The following ZFP14 variants were observed in gnomAD, a reference collection of about 807,000 sequenced individuals.
The protein encoded by ZFP14 is ZFP14 zinc finger protein.
Under a neutral mutation model 54.5 loss-of-function variants are expected in ZFP14, and 22 were observed. That is an observed-to-expected ratio of 0.40 (90% CI 0.29 to 0.58). The LOEUF (loss-of-function observed/expected upper bound fraction) is 0.58, where lower values mean the gene tolerates loss of function less well. Among genes scored for constraint, ZFP14 ranks in the 20% least tolerant of loss-of-function variants. The pLI, the probability that ZFP14 is intolerant of heterozygous loss-of-function variation, is 0.39. For synonymous variants in ZFP14, 159 were observed against 204.0 expected, an observed-to-expected ratio of 0.78 and a Z score of 1.88; for missense variants, 470 against 637.8, an observed-to-expected ratio of 0.74 and a Z score of 2.83.
intron 4 of ZFP14, among the ~76,000 whole-genome samples, chr19:36,351,753 AG>A (rs2031529649): frequency 7.1e-6 from 1 of 141,712 alleles, no homozygotes; most frequent in African/African-American, 2.6e-5. Flanking sequence ...TACCTACCCA[AG>A]AGGCTGAAGT....
chr19:36,370,041 A>G (rs1006109528), intron 1 of ZFP14, among the ~76,000 whole-genome samples: 47 of 152,158 alleles, frequency 3.1e-4, no homozygotes, highest in African/African-American at 1.4e-4. Context: ...AGATAGCAAA[A>G]TAGTTCTTTC....
chr19:36,362,338 T>C, intron 2 of ZFP14, 100 bp from the exon 3 acceptor site: 7 of 1,308,146 alleles, frequency 5.4e-6, no homozygotes, highest in Non-Finnish European at 7.2e-6. Context: ...AGGGGTCAGA[T>C]AGCATGCAAA....
At chr19:36,349,671 CAA>C (rs11308808) in intron 4 of ZFP14, among the ~76,000 whole-genome samples, 21,731 of 133,854 alleles carry the variant, frequency 0.16, 2,043 homozygotes, top group Admixed American at 0.21. Flanking sequence ...TGTCTCAAAA[CAA>C]AAAAAAAATA....
intron 4 of ZFP14, among the ~76,000 whole-genome samples, chr19:36,344,321 T>C (rs2031376044): frequency 6.6e-6 from 1 of 151,982 alleles, no homozygotes; most frequent in African/African-American, 2.4e-5. Context: ...TTCTTTTTCA[T>C]ATTTATAACA....
intron 4 of ZFP14, among the ~76,000 whole-genome samples, chr19:36,358,089 T>C (rs991652502): frequency 1.1e-4 from 14 of 130,390 alleles, no homozygotes; most frequent in African/African-American, 4.1e-4. Flanking sequence ...TCTATCTATC[T>C]ATCATCTATC....
intron 4 of ZFP14, among the ~76,000 whole-genome samples, chr19:36,354,009 A>G (rs2031572487): frequency 7.5e-6 from 1 of 133,480 alleles, no homozygotes; most frequent in Non-Finnish European, 1.6e-5. Flanking sequence ...CAGGAGTTCA[A>G]GGCTGCAGTG....
intron 1 of ZFP14, among the ~76,000 whole-genome samples, chr19:36,371,250 G>A (rs1026585202): frequency 6.6e-6 from 1 of 152,004 alleles, no homozygotes. Flanking sequence ...GCGACAGAGC[G>A]AGACTCTGTC....
At chr19:36,369,985 C>T (rs373692840) in intron 1 of ZFP14, among the ~76,000 whole-genome samples, 54 of 152,272 alleles carry the variant, frequency 3.5e-4, no homozygotes, top group African/African-American at 1.3e-3. Flanking sequence ...TAGTTGGGCA[C>T]CACCATGCCC....
intron 4 of ZFP14, among the ~76,000 whole-genome samples, chr19:36,356,584 C>A (rs1441938651): frequency 6.6e-6 from 1 of 152,130 alleles, no homozygotes. Flanking sequence ...AAGATACTCA[C>A]CTGTACCATG....
At chr19:36,376,544 CA>C (rs990224547) in intron 1 of ZFP14, among the ~76,000 whole-genome samples, 1 of 130,948 alleles carries the variant, frequency 7.6e-6, no homozygotes, top group African/African-American at 2.9e-5. Flanking sequence ...AACTCTGTCT[CA>C]AAAAAAAAGA....
At chr19:36,376,729 A>C (rs1244856136) in intron 1 of ZFP14, among the ~76,000 whole-genome samples, 2 of 152,160 alleles carry the variant, frequency 1.3e-5, no homozygotes, top group African/African-American at 2.4e-5. Context: ...TCTACTGTGC[A>C]CTTATTATGT....
At chr19:36,344,126 C>G (rs2031372090) in intron 4 of ZFP14, among the ~76,000 whole-genome samples, 1 of 152,168 alleles carries the variant, frequency 6.6e-6, no homozygotes, top group East Asian at 1.9e-4. Flanking sequence ...CCTCAACCTC[C>G]CCAGTAGCTG....
intron 1 of ZFP14, chr19:36,378,446 T>C (rs1216623943): frequency 6.6e-6 from 1 of 152,226 alleles, no homozygotes; most frequent in Non-Finnish European, 1.5e-5. Context: ...CTAGCCTGAT[T>C]AATGACAGAG....
chr19:36,362,426 G>A (rs1446489148), intron 2 of ZFP14, among the ~76,000 whole-genome samples, 188 bp from the exon 3 acceptor site: 3 of 152,168 alleles, frequency 2.0e-5, no homozygotes, highest in African/African-American at 7.2e-5. Context: ...GAGCCTACAT[G>A]TTCTTGAATA....
Position 36,353,869 on chromosome 19 carries a change from T to C in ZFP14, c.235+6566A>G, listed in dbSNP as rs1401754667. On this transcript the variant is annotated intron_variant, in intron 4 of 4. Coordinates refer to ENST00000270001, the MANE Select transcript of ZFP14 (RefSeq NM_020917.3). ...TGGGAGGATCGCTTGAGCCTAGGAG[T>C]TCAAGACCAGCCTGGGCAACATAGC... Among the ~76,000 whole-genome samples the C allele has an allele frequency of 1.5e-5, 2 of 134,490 alleles. 1 individual carries two copies. 88.2% of individuals were successfully genotyped at this position (134,490 alleles called of 152,430 possible).
At chr19:36,342,294 C>G (rs1255998166) in intron 4 of ZFP14, among the ~76,000 whole-genome samples, 1 of 150,548 alleles carries the variant, frequency 6.6e-6, no homozygotes, top group Non-Finnish European at 1.5e-5. Flanking sequence ...AATTCTCCTG[C>G]CTCAGCCCTC....
At chr19:36,362,581 T>C (rs1168260531) in intron 2 of ZFP14, among the ~76,000 whole-genome samples, 4 of 152,162 alleles carry the variant, frequency 2.6e-5, no homozygotes, top group African/African-American at 9.7e-5. Flanking sequence ...TTTAAAAATA[T>C]GAGGTCTTGA....
intron 1 of ZFP14, among the ~76,000 whole-genome samples, chr19:36,369,306 G>A (rs1041798638): frequency 6.6e-6 from 1 of 152,180 alleles, no homozygotes; most frequent in African/African-American, 2.4e-5. Context: ...AATAGCTCAG[G>A]AAACTAATGC....
chr19:36,371,038 G>A (rs893453759), intron 1 of ZFP14, among the ~76,000 whole-genome samples: 2 of 151,982 alleles, frequency 1.3e-5, no homozygotes, highest in South Asian at 2.1e-4. Context: ...CGAGGCAGGC[G>A]GATCACGAGG....
Sources: gnomAD v4.1 joint callset for allele counts (sites outside exome capture counted in the v4.1 genomes callset) on GRCh38, gnomAD v4.1.1 for gene constraint, MANE v1.5 for transcripts, NCBI Gene and HGNC (gene_info 2026-07-23, HGNC 2026-07-21) for gene names.